AIFM3: variants seen among roughly 807,000 people sequenced by gnomAD.
AIFM3 encodes apoptosis-inducing factor 3.
In AIFM3, 71 loss-of-function variants were observed where a neutral mutation model predicts 82.7. That is an observed-to-expected ratio of 0.86 (90% CI 0.71 to 1.05). The LOEUF (loss-of-function observed/expected upper bound fraction) is 1.05, where lower values mean the gene tolerates loss of function less well. Ranked by LOEUF, AIFM3 falls within the 50% of genes least tolerant of loss-of-function variation. The pLI, the probability that AIFM3 is intolerant of heterozygous loss-of-function variation, is 0.00. For missense variants in AIFM3, 748 were observed against 816.7 expected, an observed-to-expected ratio of 0.92 and a Z score of 1.03; for synonymous variants, 337 against 329.1, an observed-to-expected ratio of 1.02 and a Z score of -0.26.
chr22:20,972,040 G>A (rs1419521305), intron 2 of AIFM3, among the ~76,000 whole-genome samples: 1 of 151,946 alleles, frequency 6.6e-6, no homozygotes, highest in Non-Finnish European at 1.5e-5. Flanking sequence ...CAGGGCACAC[G>A]AGGACACTGA....
chr22:20,971,323 C>T (rs1027756730), intron 2 of AIFM3, among the ~76,000 whole-genome samples: 1 of 152,266 alleles, frequency 6.6e-6, no homozygotes, highest in Non-Finnish European at 1.5e-5. Flanking sequence ...CTCAGTGTGG[C>T]TCTGTGCTCT....
Position 20,976,528 on chromosome 22 carries a change from C to T in AIFM3, c.1020C>T (p.Ala340=), listed in dbSNP as rs766141089. ...ARGRNVVVVG[A]GFLGMEVAAY... ...GCCGCAACGTGGTCGTCGTGGGAGC[C>T]GGCTTCCTGGGTGAGAGGTAGTGGG... The change falls in exon 11 of 21, where the codon GCC becomes GCT. Residue 340 remains alanine, a synonymous_variant. Transcript: ENST00000440238. The T allele has an allele frequency of 6.8e-6, 11 of 1,613,244 alleles. No individual in the cohort carries two copies. Among genetic ancestry groups the T allele is most frequent in the South Asian group, 3.3e-5 (3 of 91,080 alleles).
intron 8 of AIFM3, 94 bp downstream of exon 8, chr22:20,974,910 G>C (rs1206973393): frequency 7.9e-7 from 1 of 1,264,674 alleles, no homozygotes; most frequent in Non-Finnish European, 1.1e-6. Context: ...GGTCTGGCCG[G>C]CTGCCCTCCC....
chr22:20,973,766 A>G lies in AIFM3; in HGVS notation c.254A>G (p.Glu85Gly). 9 of 1,563,366 alleles carry G rather than the reference A, an allele frequency of 5.8e-6. No individual in the cohort carries two copies. Among genetic ancestry groups the G allele is most frequent in the Non-Finnish European group, 7.8e-6 (9 of 1,154,640 alleles). The part of the protein sequence containing the change: ...VKDLENGQMR[E>G]VELGWGKVLL... The stretch of plus-strand genomic sequence containing the variant: ...GTGCTGCGGTTCCCCAGGATGCGGG[A>G]AGTGGAGCTGGGCTGGGGGAAGGTG... Residue 85 changes from glutamate to glycine, a missense_variant, in exon 4 of 21, where the codon GAA becomes GGA. By Grantham distance (98) the Glu-to-Gly change is moderately conservative. This residue lies in a region of AIFM3 where 148 missense variants were observed against 134.1 expected (regional missense o/e 1.10). Coordinates refer to ENST00000440238, the MANE Select transcript of AIFM3 (RefSeq NM_001386814.1).
chr22:20,970,395 T>C (rs1297982683), intron 2 of AIFM3, among the ~76,000 whole-genome samples: 1 of 152,148 alleles, frequency 6.6e-6, no homozygotes, highest in Non-Finnish European at 1.5e-5. Flanking sequence ...CAAGTGATCC[T>C]CCCACCTCCT....
At chr22:20,979,213 G>A (rs1418952658) in intron 16 of AIFM3, 58 bp from the exon 17 acceptor site, 1 of 1,525,780 alleles carries the variant, frequency 6.6e-7, no homozygotes, top group African/African-American at 1.4e-5. Context: ...ATCAGGAGCA[G>A]GTAGTGTGGG....
At chr22:20,975,306 C>G (rs1923571980) in intron 8 of AIFM3, among the ~76,000 whole-genome samples, 1 of 151,986 alleles carries the variant, frequency 6.6e-6, no homozygotes, top group African/African-American at 2.4e-5. Flanking sequence ...GTCACTCAGG[C>G]TGGAGAGCAG....
rs752164322 is a variant in AIFM3 at position 20,976,534 on chromosome 22, C to T, written c.1026C>T (p.Phe342=). ...ACGTGGTCGTCGTGGGAGCCGGCTTCCTGGGTGAGAGGTAGTGGGCAGTGG... is the reference window on the plus strand; with the variant it reads ...ACGTGGTCGTCGTGGGAGCCGGCTTTCTGGGTGAGAGGTAGTGGGCAGTGG... The part of the protein sequence containing the change: ...GRNVVVVGAG[F]LGMEVAAYLT... The change falls in exon 11 of 21, where the codon TTC becomes TTT. Residue 342 remains phenylalanine, a synonymous_variant. Transcript: ENST00000440238. 1.9e-6 allele frequency: 3 copies of T among 1,613,218 alleles called. No homozygotes were observed. The highest frequency in any genetic ancestry group is 2.7e-5 in the African/African-American group (2 of 74,926).
At position 20,967,922 on chromosome 22, in the gene AIFM3, C is replaced by A; in HGVS notation, c.-23C>A. 1 of 1,614,098 alleles carries A rather than the reference C, an allele frequency of 6.2e-7. No individual in the cohort carries two copies. The highest frequency in any genetic ancestry group is 8.5e-7 in the Non-Finnish European group (1 of 1,179,978). On this transcript the variant is annotated 5_prime_UTR_variant, in exon 2 of 21. Coordinates refer to ENST00000440238, the MANE Select transcript of AIFM3 (RefSeq NM_001386814.1). ...GCTCCCCATCTGTGCTCCTGCCTGC[C>A]GGCCATCCTCAGGCCACTCGCCATG...
rs1197493380 is a variant in AIFM3 at position 20,974,828 on chromosome 22, G to A, written c.720+12G>A. The A allele has an allele frequency of 6.2e-7, 1 of 1,610,866 alleles. No homozygotes were observed. Among genetic ancestry groups the A allele is most frequent in the South Asian group, 1.1e-5 (1 of 90,894 alleles). ...CCAAGCTCAGCAAGGTACAGGGGGT[G>A]GGGCAAGTAGGGACCCTATCCCTCT... is the stretch of plus-strand genomic sequence containing the variant. On this transcript the variant is annotated intron_variant, in intron 8 of 20. Coordinates refer to ENST00000440238, the MANE Select transcript of AIFM3 (RefSeq NM_001386814.1).
In AIFM3 at chr22:20,974,264, AAGG is replaced by A; in HGVS notation, c.481_483del (p.Glu161del). On this transcript the variant is annotated inframe_deletion, in exon 6 of 21. Coordinates refer to ENST00000440238, the MANE Select transcript of AIFM3 (RefSeq NM_001386814.1). The stretch of plus-strand genomic sequence containing the variant: ...GCAGCCCTTGCAGGTGAAGATTGAG[AAGG>A]AGAAGGTGTACGTCCGGGCCAGCAA... The A allele has an allele frequency of 1.2e-6, 2 of 1,613,794 alleles. No homozygotes were observed. The highest frequency in any genetic ancestry group is 1.7e-6 in the Non-Finnish European group (2 of 1,179,988).
At chr22:20,968,661 C>A (rs1337536783) in intron 2 of AIFM3, among the ~76,000 whole-genome samples, 2 of 152,128 alleles carry the variant, frequency 1.3e-5, no homozygotes, top group East Asian at 3.9e-4. Context: ...CCCTCTGGCC[C>A]CCCACTTTCC....
At chr22:20,976,181 C>T (rs764471755) in intron 9 of AIFM3, 34 bp from the exon 10 acceptor site, 4 of 1,599,584 alleles carry the variant, frequency 2.5e-6, no homozygotes, top group Non-Finnish European at 3.4e-6. Context: ...CAGCCCCATG[C>T]CCAAGCTCAT....
At chr22:20,975,598 C>T in intron 8 of AIFM3, 94 bp from the exon 9 acceptor site, 1 of 1,228,200 alleles carries the variant, frequency 8.1e-7, no homozygotes, top group Non-Finnish European at 1.2e-6. Context: ...TTCTGTCCTG[C>T]AGCCCCTATG....
chr22:20,977,069 G>C lies in AIFM3; in HGVS notation c.1256G>C (p.Arg419Pro). 2 of 1,614,198 alleles carry C rather than the reference G, an allele frequency of 1.2e-6. No individual in the cohort carries two copies. The highest frequency in any genetic ancestry group is 8.5e-7 in the Non-Finnish European group (1 of 1,180,034). Residue 419 changes from arginine (R) to proline (P), a missense_variant, in exon 14 of 21, where the codon CGG becomes CCG. By Grantham distance (103) the Arg-to-Pro change is moderately radical. Transcript: ENST00000440238. ...EVVLKSSKVVRADVCVVGIGA... is the reference protein window; with the variant it reads ...EVVLKSSKVVPADVCVVGIGA... ...GTGCTGAAGAGCAGCAAGGTCGTGC[G>C]GGCTGACGTCTGCGTGGTGGGCATT...
intron 1 of AIFM3, 91 bp from the exon 2 acceptor site, chr22:20,967,712 ACT>A (rs1394058415): frequency 8.5e-6 from 5 of 587,948 alleles, no homozygotes; most frequent in Non-Finnish European, 1.5e-5. Flanking sequence ...CAAATGTAAG[ACT>A]CTTTCCGAAG....
intron 2 of AIFM3, among the ~76,000 whole-genome samples, chr22:20,968,241 GA>G (rs1293287009): frequency 2.6e-4 from 39 of 152,258 alleles, no homozygotes; most frequent in African/African-American, 9.4e-4. Context: ...ACCCTTCTTG[GA>G]AAAGGAAAGT....
chr22:20,979,401 C>A, intron 17 of AIFM3, 32 bp downstream of exon 17: 1 of 1,045,082 alleles, frequency 9.6e-7, no homozygotes, highest in South Asian at 2.0e-5. Flanking sequence ...GGGGCGGGGC[C>A]GAGGGCGTTT....
Position 20,977,772 on chromosome 22 carries a change from A to G in AIFM3, c.1355A>G (p.Asn452Ser), listed in dbSNP as rs747351031. 1.2e-6 allele frequency: 2 copies of G among 1,614,156 alleles called. No homozygotes were observed. The highest frequency in any genetic ancestry group is 1.7e-6 in the Non-Finnish European group (2 of 1,180,028). The change falls in exon 15 of 21, where the codon AAC becomes AGC. Residue 452 changes from asparagine (N) to serine (S), a missense_variant. Around this residue, in one of 5 missense-constraint regions of AIFM3, gnomAD observed 393 missense variants for 481.1 expected, o/e 0.82. Transcript: ENST00000440238. ...GATTCCCGAGGCTTCATCCCTGTCA[A>G]CAAGGTGGGGTGGATGGCACTGGGT... is the stretch of plus-strand genomic sequence containing the variant. ...GLDSRGFIPV[N>S]KMMQTNVPGV...
Sources: gnomAD v4.1 joint callset for allele counts (sites outside exome capture counted in the v4.1 genomes callset) on GRCh38, gnomAD v4.1.1 for gene constraint, gnomAD v4.1.1 regional missense constraint, MANE v1.5 for transcripts, NCBI Gene and HGNC (gene_info 2026-07-23, HGNC 2026-07-21) for gene names.